EPHA10: variants seen among roughly 807,000 people sequenced by gnomAD.
The protein encoded by EPHA10 is ephrin type-A receptor 10.
A neutral mutation model predicts 109.7 loss-of-function variants in EPHA10; 120 were observed. The ratio of observed to expected loss-of-function variants is 1.09; its 90% confidence interval spans 0.94 to 1.27. The LOEUF is 1.27. Among genes scored for constraint, EPHA10 ranks in the 50% most tolerant of loss-of-function variants. The pLI, the probability that EPHA10 is intolerant of heterozygous loss-of-function variation, is 0.00. For synonymous variants in EPHA10, 640 were observed against 618.9 expected (o/e 1.03, Z -0.51); for missense variants, 1,396 against 1,411.1 (o/e 0.99, Z 0.17).
At chr1:37,718,598 A>AGGCAGG (rs1487891519) in intron 16 of EPHA10, 63 bp downstream of exon 16, 3 of 1,612,444 alleles carry the variant, frequency 1.9e-6, no homozygotes, top group Middle Eastern at 3.3e-4. Flanking sequence ...TCCCCAGTAT[A>AGGCAGG]GGCAGGGGCA....
chr1:37,733,770 T>G (rs1247959736), intron 6 of EPHA10, among the ~76,000 whole-genome samples: 1 of 152,102 alleles, frequency 6.6e-6, no homozygotes, highest in Non-Finnish European at 1.5e-5. Context: ...CAGCAGCTAC[T>G]GTCTCTATGC....
chr1:37,721,195 G>A (rs1473181260), intron 11 of EPHA10, among the ~76,000 whole-genome samples: 2 of 151,040 alleles, frequency 1.3e-5, no homozygotes, highest in Non-Finnish European at 3.0e-5. Flanking sequence ...CGAGGCAGGT[G>A]GATCACGAGG....
At chr1:37,715,593 C>T (rs182846595), downstream of EPHA10, among the ~76,000 whole-genome samples, 1 of 152,254 alleles carries the variant, frequency 6.6e-6, no homozygotes, top group East Asian at 1.9e-4. Context: ...ACATCTCTGC[C>T]GCACATCCCA....
intron 3 of EPHA10, chr1:37,760,434 CT>C: frequency 9.5e-7 from 1 of 1,056,030 alleles, no homozygotes; most frequent in Non-Finnish European, 1.1e-6. Flanking sequence ...CATGAAGGAT[CT>C]CCCCCAGGGA....
chr1:37,733,314 C>T (rs9425944), intron 6 of EPHA10, among the ~76,000 whole-genome samples: 47,115 of 151,702 alleles, frequency 0.31, 7,669 homozygotes, highest in Middle Eastern at 0.46. Flanking sequence ...CTCGACTTCC[C>T]GGGCTCAAGC....
intron 3 of EPHA10, among the ~76,000 whole-genome samples, chr1:37,755,678 G>C (rs1646387722): frequency 6.6e-6 from 1 of 152,164 alleles, no homozygotes. Context: ...GGAGGATTGA[G>C]ATAAAACATG....
At position 37,737,932 on chromosome 1, in the gene EPHA10, C is replaced by CTTTTTTTTTTT. The variant is rs59082119; in HGVS notation, c.1358-2553_1358-2543dup. On this transcript the variant is annotated intron_variant, in intron 5 of 16. Coordinates refer to ENST00000373048, the MANE Select transcript of EPHA10 (RefSeq NM_001099439.2). ...ACAACAAAGACCAAATAACTGTAGG[C>CTTTTTTTTTTT]TTTTTTTTTTTTTTTTTTTTTTTTT... 5 of 61,458 alleles carry CTTTTTTTTTTT rather than the reference C, an allele frequency of 8.1e-5. 1 individual carries two copies. Among genetic ancestry groups the CTTTTTTTTTTT allele is most frequent in the East Asian group, 6.4e-4 (1 of 1,554 alleles). 3.8% of individuals were successfully genotyped at this position (61,458 alleles called of 1,614,324 possible).
At chr1:37,721,611 C>T (rs555039926) in intron 11 of EPHA10, 49 bp downstream of exon 11, 13 of 1,515,200 alleles carry the variant, frequency 8.6e-6, no homozygotes, top group South Asian at 3.8e-5. Flanking sequence ...ATCATTTCCA[C>T]CCCCCATACC....
rs919275173 is a variant in EPHA10, at chr1:37,723,081, C to T, written c.1920G>A (p.Leu640=). 5 of 1,614,108 alleles carry T rather than the reference C, an allele frequency of 3.1e-6. No individual in the cohort carries two copies. The highest frequency in any genetic ancestry group is 1.7e-5 in the Admixed American group (1 of 60,004). The change falls in exon 10 of 17, where the codon CTG becomes CTA. Residue 640 remains leucine (L), a synonymous_variant. Transcript: ENST00000373048. The part of the protein sequence containing the change: ...LQAVHLFAKE[L]DAKSVTLERS... Reference sequence around the variant, plus strand: ...TCTCCAGCGTGACGCTTTTCGCATCCAGTTCCTTGGCGAACAGATGCACAG... The same window carrying T: ...TCTCCAGCGTGACGCTTTTCGCATCTAGTTCCTTGGCGAACAGATGCACAG...
At chr1:37,732,863 C>T (rs866883919) in intron 6 of EPHA10, among the ~76,000 whole-genome samples, 1,090 of 25,072 alleles carry the variant, frequency 0.043, 28 homozygotes, top group African/African-American at 0.14. Flanking sequence ...TATACTTGTT[C>T]TTTTTTTTTT....
intron 6 of EPHA10, chr1:37,734,800 C>T (rs558712095): frequency 2.9e-6 from 1 of 348,044 alleles, no homozygotes; most frequent in Non-Finnish European, 5.6e-6. Flanking sequence ...TATAATAACT[C>T]ATACATTTAT....
chr1:37,741,463 A>T (rs997695758), intron 5 of EPHA10, among the ~76,000 whole-genome samples: 1 of 152,180 alleles, frequency 6.6e-6, no homozygotes, highest in Non-Finnish European at 1.5e-5. Context: ...TAAATGGTAT[A>T]TATATCTAGC....
chr1:37,727,387 C>T (rs895880075), intron 7 of EPHA10, among the ~76,000 whole-genome samples, 177 bp from the exon 8 acceptor site: 1 of 152,240 alleles, frequency 6.6e-6, no homozygotes, highest in Non-Finnish European at 1.5e-5. Context: ...CACCTGGAGT[C>T]CCAAGAGCTT....
chr1:37,735,409 G>A lies in EPHA10; in HGVS notation c.1358-19C>T, dbSNP rs959051421. ...CAGGGCGCTGAAAGTAAGTTACGTG[G>A]GATTCTCCACCTTGACCCACCTCAC... On this transcript the variant is annotated intron_variant, in intron 5 of 16. Coordinates refer to ENST00000373048, the MANE Select transcript of EPHA10 (RefSeq NM_001099439.2). The A allele has an allele frequency of 6.3e-7, 1 of 1,576,156 alleles. No homozygotes were observed. Among genetic ancestry groups the A allele is most frequent in the African/African-American group, 1.3e-5 (1 of 74,442 alleles).
At chr1:37,718,967 T>C (rs941085773) in intron 15 of EPHA10, 151 bp from the exon 16 acceptor site, 12 of 1,018,816 alleles carry the variant, frequency 1.2e-5, no homozygotes, top group South Asian at 5.1e-5. Flanking sequence ...GCACTGTGCA[T>C]TCGTGAAGAA....
At position 37,725,506 on chromosome 1, in the gene EPHA10, C is replaced by CAAAA. The variant is rs536628850; in HGVS notation, c.1772+1592_1772+1595dup. Among the ~76,000 whole-genome samples the CAAAA allele has an allele frequency of 2.3e-3, 130 of 56,240 alleles. 1 individual carries two copies. The highest frequency in any genetic ancestry group is 4.9e-3 in the African/African-American group (68 of 13,822). The allele number at this position is 56,240 out of a possible 152,430, so 36.9% of individuals were successfully genotyped here. On this transcript the variant is annotated intron_variant, in intron 8 of 16. Coordinates refer to ENST00000373048, the MANE Select transcript of EPHA10 (RefSeq NM_001099439.2). ...GGGTGACAAGAGCAAGGCTCCATCTCAAAAAAAAAAAAAAAAAAAAAAAAG... is the reference window on the plus strand; with the variant it reads ...GGGTGACAAGAGCAAGGCTCCATCTCAAAAAAAAAAAAAAAAAAAAAAAAAAAAG...
Position 37,764,132 on chromosome 1 carries a change from G to A in EPHA10, c.106+829C>T, listed in dbSNP as rs1176399565. On this transcript the variant is annotated intron_variant, in intron 1 of 16. Coordinates refer to ENST00000373048, the MANE Select transcript of EPHA10 (RefSeq NM_001099439.2). This position sits in a 1 kb window ranked among gnomAD's most constrained non-coding sequence, Gnocchi z 5.8. ...GATTACCCTCTGGAGCTTAAACCAG[G>A]GGGTGGGCCACCAAGGTGAGGGCCT... Among the ~76,000 whole-genome samples the A allele has an allele frequency of 6.6e-6, 1 of 152,186 alleles. No homozygotes were observed. Among genetic ancestry groups the A allele is most frequent in the Non-Finnish European group, 1.5e-5 (1 of 68,040 alleles).
chr1:37,717,726 C>T lies in EPHA10; in HGVS notation c.*646G>A. ...CTCACCCTGAACTGTCAGCCCAAGG[C>T]AGGGGGACACAGAAACCAGATCCTG... On this transcript the variant is annotated 3_prime_UTR_variant, in exon 17 of 17. Coordinates refer to ENST00000373048, the MANE Select transcript of EPHA10 (RefSeq NM_001099439.2). The T allele has an allele frequency of 4.3e-6, 1 of 231,390 alleles. No homozygotes were observed. Among genetic ancestry groups the T allele is most frequent in the Non-Finnish European group, 8.5e-6 (1 of 116,998 alleles). 14.3% of individuals were successfully genotyped at this position (231,390 alleles called of 1,614,324 possible). A position where few individuals can be genotyped will look rare whatever the true frequency, so the allele number is the denominator to read the frequency against.
downstream of EPHA10, among the ~76,000 whole-genome samples, chr1:37,715,300 G>T (rs1275980256): frequency 6.6e-6 from 1 of 152,096 alleles, no homozygotes; most frequent in Non-Finnish European, 1.5e-5. Flanking sequence ...AAAGTGCTGG[G>T]ATTACAGGCA....
Sources: allele counts gnomAD v4.1 joint callset (sites outside exome capture counted in the v4.1 genomes callset), GRCh38; gene constraint gnomAD v4.1.1; non-coding constraint Gnocchi (gnomAD v3.1); transcripts MANE v1.5; gene names NCBI Gene and HGNC (gene_info 2026-07-23, HGNC 2026-07-21).